RBPMS: variants seen among roughly 807,000 people sequenced by gnomAD.
RBPMS encodes RNA-binding protein with multiple splicing.
RBPMS carries 7 observed loss-of-function variants against 26.8 expected under a neutral mutation model. The ratio of observed to expected loss-of-function variants is 0.26; its 90% CI spans 0.15 to 0.49. RBPMS has a LOEUF of 0.49. Ranked by LOEUF, RBPMS falls within the 20% of genes least tolerant of loss-of-function variation. RBPMS has a pLI of 0.98. For missense variants in RBPMS, 186 were observed against 250.0 expected (o/e 0.74, Z 1.73); for synonymous variants, 96 against 93.3 (o/e 1.03, Z -0.17).
intron 5 of RBPMS, among the ~76,000 whole-genome samples, chr8:30,517,237 T>A (rs570057299): frequency 5.3e-4 from 73 of 137,068 alleles, no homozygotes; most frequent in African/African-American, 1.6e-3. Flanking sequence ...TGTGTGTGTG[T>A]GAAATACCAT....
chr8:30,441,605 C>T (rs1166087253), intron 1 of RBPMS, among the ~76,000 whole-genome samples: 1 of 151,868 alleles, frequency 6.6e-6, no homozygotes, highest in African/African-American at 2.4e-5. Flanking sequence ...CGCTCTCTCC[C>T]GTGATTGATT....
At chr8:30,549,809 T>TCCCCC (rs766646710) in intron 6 of RBPMS, among the ~76,000 whole-genome samples, 6 of 92,606 alleles carry the variant, frequency 6.5e-5, no homozygotes, top group Admixed American at 3.4e-4. Context: ...CTCTCTCCTC[T>TCCCCC]CTCTCTCTCT....
intron 1 of RBPMS, among the ~76,000 whole-genome samples, chr8:30,434,348 T>C (rs552712616): frequency 6.6e-6 from 1 of 150,950 alleles, no homozygotes; most frequent in African/African-American, 2.4e-5. Flanking sequence ...AGAGTGGGGG[T>C]AGGGGAGTTA....
At chr8:30,469,933 T>A (rs1481761482) in intron 1 of RBPMS, among the ~76,000 whole-genome samples, 9 of 152,202 alleles carry the variant, frequency 5.9e-5, no homozygotes, top group Admixed American at 5.9e-4. Flanking sequence ...CATATTCAGT[T>A]TATTTCACTG....
At chr8:30,419,135 C>T (rs1563300574) in intron 1 of RBPMS, among the ~76,000 whole-genome samples, 1 of 149,458 alleles carries the variant, frequency 6.7e-6, no homozygotes, top group African/African-American at 2.5e-5. Context: ...ACAAAAATCA[C>T]AGGGTTTTAA....
chr8:30,532,558 C>T (rs1824342261), intron 5 of RBPMS, among the ~76,000 whole-genome samples: 2 of 152,112 alleles, frequency 1.3e-5, no homozygotes, highest in Non-Finnish European at 2.9e-5. Flanking sequence ...TGTTGCACAG[C>T]TGGTAACATT....
chr8:30,542,800 C>T (rs138752615), intron 5 of RBPMS, among the ~76,000 whole-genome samples: 7 of 152,224 alleles, frequency 4.6e-5, no homozygotes, highest in Admixed American at 1.3e-4. Flanking sequence ...ATCACATGGT[C>T]TCATCACAAC....
chr8:30,441,233 G>A (rs1328682663), intron 1 of RBPMS, among the ~76,000 whole-genome samples: 1 of 152,170 alleles, frequency 6.6e-6, no homozygotes, highest in Non-Finnish European at 1.5e-5. Flanking sequence ...GATCTGCAAA[G>A]GTAGAGTTAA....
chr8:30,563,037 A>G (rs1827626454), intron 7 of RBPMS, among the ~76,000 whole-genome samples: 1 of 152,252 alleles, frequency 6.6e-6, no homozygotes, highest in African/African-American at 2.4e-5. Flanking sequence ...TTCTAATGGC[A>G]GAGAACTGTG....
chr8:30,385,218 G>A, intron 1 of RBPMS, 60 bp downstream of exon 1: 3 of 1,266,290 alleles, frequency 2.4e-6, no homozygotes, highest in Non-Finnish European at 3.1e-6. Flanking sequence ...GGCGGCCGGC[G>A]GGGCGCGGGC....
intron 1 of RBPMS, among the ~76,000 whole-genome samples, chr8:30,470,653 T>C (rs1472732579): frequency 6.6e-6 from 1 of 152,132 alleles, no homozygotes; most frequent in African/African-American, 2.4e-5. Flanking sequence ...TCTCAGTGAG[T>C]GAGATGAGAT....
chr8:30,555,278 A>C (rs1028500592), intron 6 of RBPMS, among the ~76,000 whole-genome samples: 10 of 152,198 alleles, frequency 6.6e-5, no homozygotes, highest in Non-Finnish European at 1.0e-4. Context: ...TTCCTGAAGA[A>C]GAGGGATGGT....
intron 4 of RBPMS, among the ~76,000 whole-genome samples, chr8:30,490,318 CTTTTA>C (rs1256086090): frequency 6.6e-6 from 1 of 152,206 alleles, no homozygotes. Flanking sequence ...CCTCATCTCC[CTTTTA>C]TTTTATCTTA....
intron 1 of RBPMS, among the ~76,000 whole-genome samples, chr8:30,421,788 C>T (rs1040827373): frequency 6.6e-5 from 10 of 152,042 alleles, no homozygotes; most frequent in Non-Finnish European, 1.0e-4. Context: ...AATCCCGTCT[C>T]TACTAAAAAT....
chr8:30,520,462 T>G (rs1265432352), intron 5 of RBPMS, among the ~76,000 whole-genome samples: 2 of 152,120 alleles, frequency 1.3e-5, no homozygotes, highest in African/African-American at 4.8e-5. Context: ...TTTCTGATGC[T>G]CAGGGGCAGG....
chr8:30,480,173 G>C (rs1818126366), intron 4 of RBPMS, among the ~76,000 whole-genome samples: 1 of 152,200 alleles, frequency 6.6e-6, no homozygotes, highest in Non-Finnish European at 1.5e-5. Flanking sequence ...AAGTGGCTGT[G>C]AACAAGTGCT....
chr8:30,566,388 C>A, intron 8 of RBPMS, 28 bp downstream of exon 8: 1 of 795,656 alleles, frequency 1.3e-6, no homozygotes, highest in Non-Finnish European at 1.5e-6. Context: ...CTGAACAAGC[C>A]CTCAGGGGCG....
intron 7 of RBPMS, 29 bp downstream of exon 7, chr8:30,558,985 C>A: frequency 6.3e-7 from 1 of 1,591,976 alleles, no homozygotes; most frequent in Non-Finnish European, 8.6e-7. Flanking sequence ...TTGGAATGTG[C>A]GAAGCCCCTA....
intron 5 of RBPMS, among the ~76,000 whole-genome samples, chr8:30,535,862 T>C (rs1169947601): frequency 6.6e-6 from 1 of 152,198 alleles, no homozygotes; most frequent in Non-Finnish European, 1.5e-5. Context: ...GGCAAGGTTA[T>C]CTGGAAGGCT....
Sources: gnomAD v4.1 joint callset for allele counts (sites outside exome capture counted in the v4.1 genomes callset) on GRCh38, gnomAD v4.1.1 for gene constraint, MANE v1.5 for transcripts, NCBI Gene and HGNC (gene_info 2026-07-23, HGNC 2026-07-21) for gene names.